The following USP20 variants were observed in gnomAD, a reference collection of about 807,000 sequenced individuals.
USP20 encodes ubiquitin specific peptidase 20, also known as ubiquitin carboxyl-terminal hydrolase 20.
In USP20, 80 loss-of-function variants were observed where a neutral mutation model predicts 124.2. The ratio of observed to expected loss-of-function variants is 0.64; its 90% CI spans 0.54 to 0.78. USP20 has a LOEUF of 0.78. Among genes scored for constraint, USP20 ranks in the 30% least tolerant of loss-of-function variants. The pLI is 0.00. For synonymous variants in USP20, 481 were observed against 512.3 expected, an observed-to-expected ratio of 0.94 and a Z score of 0.83; for missense variants, 1,043 against 1,244.4, an observed-to-expected ratio of 0.84 and a Z score of 2.44.
intron 23 of USP20, among the ~76,000 whole-genome samples, chr9:129,878,884 C>T (rs1588293921): frequency 6.6e-6 from 1 of 152,368 alleles, no homozygotes; most frequent in East Asian, 1.9e-4. Flanking sequence ...ACTATTAAAC[C>T]TGCATTAAAA....
At position 129,837,482 on chromosome 9, in the gene USP20, C is replaced by G. The variant is rs1230663435; in HGVS notation, c.-129+1983C>G. Among the ~76,000 whole-genome samples, 3 of 152,226 alleles carry G rather than the reference C, an allele frequency of 2.0e-5. No individual in the cohort carries two copies. The South Asian group carries it at 6.2e-4, about 32-fold the overall frequency. The stretch of plus-strand genomic sequence containing the variant: ...ATACAGTTCACAGCCCAGCTATAGT[C>G]GGCATCCAATAAATGTATTTATTGG... On this transcript the variant is annotated intron_variant, in intron 1 of 25. Transcript: ENST00000372429.
At chr9:129,862,635 G>A (rs1014180146) in intron 8 of USP20, among the ~76,000 whole-genome samples, 4 of 151,964 alleles carry the variant, frequency 2.6e-5, no homozygotes, top group South Asian at 2.1e-4. Flanking sequence ...GCTGGGCACC[G>A]TGGCTTACGC....
At chr9:129,870,172 C>T in intron 14 of USP20, 1 of 563,424 alleles carries the variant, frequency 1.8e-6, no homozygotes, top group Non-Finnish European at 3.2e-6. Flanking sequence ...GCCTCTCCTG[C>T]CTGAGGCCAG....
At chr9:129,851,934 C>T (rs944216584) in intron 2 of USP20, among the ~76,000 whole-genome samples, 6 of 152,132 alleles carry the variant, frequency 3.9e-5, no homozygotes, top group Admixed American at 6.6e-5. Context: ...TCTCAGAAGA[C>T]GTTCTCTGGA....
Position 129,881,519 on chromosome 9 carries a change from A to C in USP20, c.*1069A>C, listed in dbSNP as rs1048608627. ...AAGGGGCTCTGGGACCAGACCCCCC[A>C]CACTACTGCGTCTTTGTTTCTATCA... On this transcript the variant is annotated 3_prime_UTR_variant, in exon 26 of 26. Coordinates refer to ENST00000372429, the MANE Select transcript of USP20 (RefSeq NM_001110303.4). The C allele has an allele frequency of 2.0e-5, 3 of 152,280 alleles. No individual in the cohort carries two copies. Among genetic ancestry groups the C allele is most frequent in the African/African-American group, 7.2e-5 (3 of 41,474 alleles). 9.4% of individuals were successfully genotyped at this position (152,280 alleles called of 1,614,324 possible).
intron 1 of USP20, among the ~76,000 whole-genome samples, chr9:129,847,333 T>A (rs1588245129): frequency 6.7e-6 from 1 of 149,908 alleles, no homozygotes; most frequent in East Asian, 2.0e-4. Context: ...GATGGAGTCT[T>A]GCTCTGTCGC....
chr9:129,879,580 C>G lies in USP20; in HGVS notation c.2520C>G (p.Pro840=). Residue 840 remains proline (P), a synonymous_variant, in exon 24 of 26, where the codon CCC becomes CCG. Transcript: ENST00000372429. The surrounding 1 kb of genome is among the most constrained non-coding windows in gnomAD (Gnocchi z 4.2). ...AFVKGKDNEP[P]GPIDNSRIAQ... ...CCGCTGTGTCTGTTGCAGAGCCCCCCGGGCCCATTGACAACAGCAGGATTG... is the reference window on the plus strand; with the variant it reads ...CCGCTGTGTCTGTTGCAGAGCCCCCGGGGCCCATTGACAACAGCAGGATTG... 3 of 1,613,600 alleles carry G rather than the reference C, an allele frequency of 1.9e-6. No individual in the cohort carries two copies. Among genetic ancestry groups the G allele is most frequent in the Non-Finnish European group, 8.5e-7 (1 of 1,179,946 alleles).
At chr9:129,876,333 G>C in intron 22 of USP20, 95 bp downstream of exon 22, 2 of 1,084,334 alleles carry the variant, frequency 1.8e-6, no homozygotes, top group Non-Finnish European at 2.7e-6. Flanking sequence ...CAGTCCCTGA[G>C]CAAGTTTGAA....
intron 2 of USP20, among the ~76,000 whole-genome samples, chr9:129,851,649 AT>A (rs2032925189): frequency 6.6e-6 from 1 of 152,214 alleles, no homozygotes; most frequent in Non-Finnish European, 1.5e-5. Context: ...TAAGACAGAT[AT>A]CTTTTTATAC....
At chr9:129,875,105 T>TGG in intron 19 of USP20, 150 bp downstream of exon 19, 2 of 1,395,982 alleles carry the variant, frequency 1.4e-6, no homozygotes, top group Non-Finnish European at 1.9e-6. Context: ...CTGGCTGCTG[T>TGG]GGGGAACCCA....
intron 24 of USP20, 39 bp from the exon 25 acceptor site, chr9:129,880,074 G>C (rs1382646760): frequency 6.2e-7 from 1 of 1,600,984 alleles, no homozygotes; most frequent in Admixed American, 1.7e-5. Context: ...TCCTTGAGGA[G>C]GCAAAGGTGA....
chr9:129,878,522 CAG>C, intron 23 of USP20, 82 bp downstream of exon 23: 3 of 1,286,854 alleles, frequency 2.3e-6, no homozygotes, highest in Non-Finnish European at 3.2e-6. Flanking sequence ...GGCTGGCACA[CAG>C]GGGCTCCTGC....
intron 15 of USP20, among the ~76,000 whole-genome samples, chr9:129,873,080 C>CTTTTTTTTTTTTTTTT (rs59712662): frequency 2.0e-4 from 16 of 78,362 alleles, no homozygotes; most frequent in Non-Finnish European, 2.8e-4. Context: ...TTTTCTTCTT[C>CTTTTTTTTTTTTTTTT]TTTTTTTTTT....
At position 129,880,135 on chromosome 9, in the gene USP20, G is replaced by C; in HGVS notation, c.2607G>C (p.Ser869=). The C allele has an allele frequency of 6.2e-7, 1 of 1,613,830 alleles. No homozygotes were observed. Among genetic ancestry groups the C allele is most frequent in the East Asian group, 2.2e-5 (1 of 44,884 alleles). Reference sequence around the variant, plus strand: ...CAGGAGCTGACTACGGGCAGATTTCGGAGGAGACCTGGACCTACCTGAACA... The same window carrying C: ...CAGGAGCTGACTACGGGCAGATTTCCGAGGAGACCTGGACCTACCTGAACA... ...LKQGADYGQI[S]EETWTYLNSL... Residue 869 remains serine (S), a synonymous_variant, in exon 25 of 26, where the codon TCG becomes TCC. Transcript: ENST00000372429.
chr9:129,860,873 C>T (rs994851303), intron 6 of USP20, 64 bp from the exon 7 acceptor site: 4 of 1,542,988 alleles, frequency 2.6e-6, no homozygotes, highest in Admixed American at 1.7e-5. Context: ...CCTTGGGAGA[C>T]ACCTGGGCCT....
rs374707253 is a variant in USP20, at chr9:129,861,632, G to A, written c.497+20G>A. The A allele has an allele frequency of 2.8e-5, 45 of 1,612,612 alleles. No homozygotes were observed. The African/African-American group carries it at 3.5e-4, about 12-fold the overall frequency. On this transcript the variant is annotated intron_variant, in intron 8 of 25. Transcript: ENST00000372429. Reference sequence around the variant, plus strand: ...CAATTGGTAGGTCGACACTTTGTCCGAGGGCCGAGAGCTGTCCCTGGCAAA... The same window carrying A: ...CAATTGGTAGGTCGACACTTTGTCCAAGGGCCGAGAGCTGTCCCTGGCAAA...
intron 9 of USP20, among the ~76,000 whole-genome samples, chr9:129,864,037 C>T (rs1213667772): frequency 1.4e-5 from 2 of 147,390 alleles, no homozygotes; most frequent in Admixed American, 6.9e-5. Flanking sequence ...ACCTGGGAGG[C>T]GGAGGTGGCA....
chr9:129,838,242 A>G (rs1387562520), intron 1 of USP20, among the ~76,000 whole-genome samples: 3 of 151,984 alleles, frequency 2.0e-5, no homozygotes, highest in Admixed American at 6.6e-5. Context: ...GGGTTTCACC[A>G]TGTTGGCCAG....
intron 15 of USP20, among the ~76,000 whole-genome samples, chr9:129,872,301 T>G (rs1163204042): frequency 6.6e-6 from 1 of 151,924 alleles, no homozygotes; most frequent in African/African-American, 2.4e-5. Context: ...TATAGGCACG[T>G]GCCACCACAC....
Sources: allele counts gnomAD v4.1 joint callset (sites outside exome capture counted in the v4.1 genomes callset), GRCh38; gene constraint gnomAD v4.1.1; non-coding constraint Gnocchi (gnomAD v3.1); transcripts MANE v1.5; gene names NCBI Gene and HGNC (gene_info 2026-07-23, HGNC 2026-07-21).